DTNBP1: variants seen among roughly 807,000 people sequenced by gnomAD.
DTNBP1 encodes dystrobrevin binding protein 1.
In DTNBP1, 35 loss-of-function variants were observed where a neutral mutation model predicts 42.8. The ratio of observed to expected loss-of-function variants is 0.82; its 90% CI spans 0.63 to 1.09. The LOEUF is 1.09. DTNBP1 is among the 50% of genes least tolerant of loss of function. DTNBP1 has a pLI of 0.00. For synonymous variants in DTNBP1, 171 were observed against 162.2 expected, an observed-to-expected ratio of 1.05 and a Z score of -0.41; for missense variants, 457 against 424.2, an observed-to-expected ratio of 1.08 and a Z score of -0.68.
At chr6:15,576,009 A>G (rs1423150535) in intron 7 of DTNBP1, among the ~76,000 whole-genome samples, 2 of 152,190 alleles carry the variant, frequency 1.3e-5, no homozygotes. Context: ...TTTGTCTACT[A>G]TGGTAAAGAG....
intron 1 of DTNBP1, among the ~76,000 whole-genome samples, chr6:15,662,451 C>G (rs1343028523): frequency 6.6e-6 from 1 of 152,194 alleles, no homozygotes; most frequent in Non-Finnish European, 1.5e-5. Context: ...GGCCACTGTG[C>G]CGCGGGGGCG....
intron 7 of DTNBP1, among the ~76,000 whole-genome samples, chr6:15,588,693 A>T (rs1303283319): frequency 6.6e-6 from 1 of 152,150 alleles, no homozygotes; most frequent in Non-Finnish European, 1.5e-5. Context: ...TTCACCCCAC[A>T]CACCATATGC....
Position 15,522,971 on chromosome 6 carries a change from CAATTTAAG to C in DTNBP1, c.1052_*3del, listed in dbSNP as rs770358135. On this transcript the variant is annotated stop_lost and 3_prime_UTR_variant, in exon 10 of 10. Transcript: ENST00000344537. Reference sequence around the variant, plus strand: ...GTGTGGCCAGACAACGCCCATGTCCCAATTTAAGAGTCGCTGTCCTCACCACCATCCGG... The same window carrying C: ...GTGTGGCCAGACAACGCCCATGTCCCAGTCGCTGTCCTCACCACCATCCGG... 6.2e-7 allele frequency: 1 copy of C among 1,614,228 alleles called. No homozygotes were observed. Among genetic ancestry groups the C allele is most frequent in the Non-Finnish European group, 8.5e-7 (1 of 1,180,044 alleles).
At chr6:15,634,037 A>C (rs1403575409) in intron 4 of DTNBP1, among the ~76,000 whole-genome samples, 1 of 152,178 alleles carries the variant, frequency 6.6e-6, no homozygotes, top group Non-Finnish European at 1.5e-5. Context: ...TCTGGAACCA[A>C]ATTGACAATA....
At chr6:15,597,100 A>G (rs1776545306) in intron 6 of DTNBP1, among the ~76,000 whole-genome samples, 1 of 152,234 alleles carries the variant, frequency 6.6e-6, no homozygotes, top group African/African-American at 2.4e-5. Flanking sequence ...TGATAATGTT[A>G]GGAATAGCAT....
chr6:15,585,038 C>A (rs1227686922), intron 7 of DTNBP1, among the ~76,000 whole-genome samples: 1 of 138,174 alleles, frequency 7.2e-6, no homozygotes, highest in Admixed American at 7.5e-5. Flanking sequence ...AAGGAATACA[C>A]TGAAGTTATA....
intron 1 of DTNBP1, among the ~76,000 whole-genome samples, chr6:15,655,665 A>G (rs1261690770): frequency 2.0e-5 from 3 of 152,004 alleles, no homozygotes; most frequent in Non-Finnish European, 4.4e-5. Context: ...GTAAAAAAAC[A>G]AAGTAGCCAT....
intron 3 of DTNBP1, among the ~76,000 whole-genome samples, chr6:15,640,669 T>C (rs1235278804): frequency 1.3e-5 from 2 of 152,142 alleles, no homozygotes; most frequent in South Asian, 2.1e-4. Context: ...ATTTAGGAAA[T>C]AGAGAGAAGA....
intron 6 of DTNBP1, among the ~76,000 whole-genome samples, chr6:15,610,167 A>G (rs148008109): frequency 2.6e-5 from 4 of 152,324 alleles, no homozygotes; most frequent in Non-Finnish European, 5.9e-5. Context: ...TCACCTGGCT[A>G]AGCGGAGGAT....
At chr6:15,563,203 G>C (rs1040071147) in intron 7 of DTNBP1, among the ~76,000 whole-genome samples, 1 of 152,088 alleles carries the variant, frequency 6.6e-6, no homozygotes, top group African/African-American at 2.4e-5. Flanking sequence ...CCTCACAGAA[G>C]AATTTTATGA....
chr6:15,651,788 T>G (rs1024012970), intron 2 of DTNBP1, among the ~76,000 whole-genome samples: 2 of 152,326 alleles, frequency 1.3e-5, no homozygotes, highest in Admixed American at 1.3e-4. Flanking sequence ...AATTTGCTTT[T>G]CAATAATTCA....
intron 6 of DTNBP1, among the ~76,000 whole-genome samples, chr6:15,614,296 T>A (rs920471623): frequency 1.3e-5 from 2 of 151,664 alleles, no homozygotes; most frequent in African/African-American, 4.8e-5. Flanking sequence ...AGCAACCCAC[T>A]CCTGTTATTG....
chr6:15,539,396 C>A (rs1392553686), intron 7 of DTNBP1, among the ~76,000 whole-genome samples: 1 of 152,184 alleles, frequency 6.6e-6, no homozygotes, highest in African/African-American at 2.4e-5. Context: ...CAACTCAGGT[C>A]CTACACTCCT....
chr6:15,607,726 A>G (rs1308388759), intron 6 of DTNBP1, among the ~76,000 whole-genome samples: 1 of 152,342 alleles, frequency 6.6e-6, no homozygotes, highest in East Asian at 1.9e-4. Context: ...ATCAATGGCA[A>G]CCTTTTCAGT....
chr6:15,585,798 G>A (rs998331934), intron 7 of DTNBP1: 6 of 1,522,138 alleles, frequency 3.9e-6, no homozygotes, highest in Non-Finnish European at 5.3e-6. Context: ...GAAGCTCAGT[G>A]CTGGTCAAGT....
At chr6:15,529,007 G>A (rs751959267) in intron 8 of DTNBP1, among the ~76,000 whole-genome samples, 10 of 152,206 alleles carry the variant, frequency 6.6e-5, no homozygotes, top group African/African-American at 2.2e-4. Context: ...GTCCAAGGCC[G>A]GGTGTGGTGG....
chr6:15,585,712 C>T, intron 7 of DTNBP1: 2 of 1,534,500 alleles, frequency 1.3e-6, no homozygotes, highest in Non-Finnish European at 1.7e-6. Flanking sequence ...AATAAAGTTC[C>T]ACCTACAGGG....
intron 1 of DTNBP1, among the ~76,000 whole-genome samples, chr6:15,662,444 C>T (rs1206999846): frequency 6.6e-6 from 1 of 152,206 alleles, no homozygotes; most frequent in Non-Finnish European, 1.5e-5. Context: ...GGGCGCAGGC[C>T]ACTGTGCCGC....
chr6:15,538,768 G>T (rs1263987452), intron 7 of DTNBP1, among the ~76,000 whole-genome samples: 2 of 152,160 alleles, frequency 1.3e-5, no homozygotes, highest in Non-Finnish European at 2.9e-5. Context: ...GAGTTTGGGT[G>T]CTATTACTCC....
Sources: gnomAD v4.1 joint callset for allele counts (sites outside exome capture counted in the v4.1 genomes callset) on GRCh38, gnomAD v4.1.1 for gene constraint, MANE v1.5 for transcripts, NCBI Gene and HGNC (gene_info 2026-07-23, HGNC 2026-07-21) for gene names.